Variants in UBXN11 observed in about 807,000 individuals in gnomAD.
UBXN11 encodes UBX domain protein 11.
In UBXN11, 47 loss-of-function variants were observed where a neutral mutation model predicts 62.8. The ratio of observed to expected loss-of-function variants is 0.75; its 90% CI spans 0.59 to 0.95. The LOEUF (loss-of-function observed/expected upper bound fraction) is 0.95, where lower values mean the gene tolerates loss of function less well. Among genes scored for constraint, UBXN11 ranks in the 40% least tolerant of loss-of-function variants. The pLI is 0.00. For synonymous variants in UBXN11, 294 were observed against 267.0 expected (o/e 1.10, Z -0.99); for missense variants, 638 against 661.7 (o/e 0.96, Z 0.39).
Position 26,282,307 on chromosome 1 carries a change from G to T in UBXN11, c.1555C>A (p.Pro519Thr), listed in dbSNP as rs200427548. The change falls in exon 15 of 15, where the codon CCC (proline) becomes ACC (threonine). Residue 519 changes from proline to threonine, a missense_variant. Pro to Thr is a conservative substitution (Grantham distance 38). Coordinates refer to ENST00000374222, the MANE Select transcript of UBXN11 (RefSeq NM_001389556.1). ...PSPCPGPSPS[P>T]Q The stretch of plus-strand genomic sequence containing the variant: ...TTGAGGGGGCGGGTGCTTTATTGGG[G>T]GCTGGGACTGGGTCCAGGACAGGGA... 1.2e-4 allele frequency: 176 copies of T among 1,468,726 alleles called. No homozygotes were observed. The highest frequency in any genetic ancestry group is 1.5e-4 in the Non-Finnish European group (172 of 1,110,816). The allele number at this position is 1,468,726 out of a possible 1,614,324, so 91.0% of individuals were successfully genotyped here. A position where few individuals can be genotyped will look rare whatever the true frequency, so the allele number is the denominator to read the frequency against.
At chr1:26,301,099 G>A in intron 3 of UBXN11, 75 bp from the exon 4 acceptor site, 2 of 1,608,918 alleles carry the variant, frequency 1.2e-6, no homozygotes, top group Admixed American at 3.4e-5. Context: ...GCCCTCGCCA[G>A]TGTGACGCGG....
intron 8 of UBXN11, among the ~76,000 whole-genome samples, chr1:26,289,133 G>A (rs781572933): frequency 3.3e-5 from 5 of 152,160 alleles, no homozygotes; most frequent in Non-Finnish European, 5.9e-5. Flanking sequence ...CTCGCCTTGC[G>A]CTCTGGTGGG....
intron 1 of UBXN11, among the ~76,000 whole-genome samples, chr1:26,312,337 C>CTGA (rs1239854570): frequency 6.6e-6 from 1 of 152,098 alleles, no homozygotes; most frequent in African/African-American, 2.4e-5. Context: ...CTGCAATCTC[C>CTGA]ACCTCTGGGT....
chr1:26,299,077 T>C (rs900924710), intron 4 of UBXN11, among the ~76,000 whole-genome samples: 9 of 152,194 alleles, frequency 5.9e-5, no homozygotes, highest in Non-Finnish European at 1.2e-4. Context: ...TCTTGTTGGC[T>C]GAGGAAGGGT....
intron 1 of UBXN11, among the ~76,000 whole-genome samples, chr1:26,315,818 C>G (rs2073785320): frequency 6.6e-6 from 1 of 152,158 alleles, no homozygotes; most frequent in Non-Finnish European, 1.5e-5. Context: ...TGCCAGCACA[C>G]CTGGCTAATT....
rs149298468 is a variant in UBXN11 at position 26,284,554 on chromosome 1, T to A, written c.853-72A>T. The A allele has an allele frequency of 3.3e-6, 5 of 1,515,012 alleles. No individual in the cohort carries two copies. In the East Asian group the frequency reaches 1.2e-4, roughly 35 times the overall value. The allele number at this position is 1,515,012 out of a possible 1,614,324, so 93.8% of individuals were successfully genotyped here. On this transcript the variant is annotated intron_variant, in intron 10 of 14. Coordinates refer to ENST00000374222, the MANE Select transcript of UBXN11 (RefSeq NM_001389556.1). The stretch of plus-strand genomic sequence containing the variant: ...CCCTTGGCCCCACTTTCATCCCTAT[T>A]TGCCTAAACACAGGCCAAGGGTATG...
upstream of UBXN11, among the ~76,000 whole-genome samples, chr1:26,311,035 G>A (rs2073739700): frequency 6.6e-6 from 1 of 152,180 alleles, no homozygotes; most frequent in Admixed American, 6.5e-5. Context: ...CCTGGCCTGG[G>A]AGGAGGGAGG....
At chr1:26,303,039 G>C in intron 1 of UBXN11, 121 bp from the exon 2 acceptor site, 1 of 635,172 alleles carries the variant, frequency 1.6e-6, no homozygotes. Flanking sequence ...CTAGGCAGCA[G>C]TACCTTTTGC....
chr1:26,305,697 C>T (rs1031817943), intron 1 of UBXN11, among the ~76,000 whole-genome samples: 2 of 151,998 alleles, frequency 1.3e-5, no homozygotes, highest in Non-Finnish European at 1.5e-5. Context: ...AAACAAAACT[C>T]CTAAACCAAA....
At chr1:26,313,595 C>G (rs1322641147) in intron 1 of UBXN11, among the ~76,000 whole-genome samples, 1 of 152,106 alleles carries the variant, frequency 6.6e-6, no homozygotes, top group African/African-American at 2.4e-5. Flanking sequence ...GTACCTGGTA[C>G]ACAGCAGGCA....
At chr1:26,296,075 G>A (rs1161154344) in intron 7 of UBXN11, among the ~76,000 whole-genome samples, 2 of 152,224 alleles carry the variant, frequency 1.3e-5, no homozygotes, top group Non-Finnish European at 2.9e-5. Context: ...TGGGACTTTG[G>A]AAACCAATTC....
At chr1:26,300,792 A>G (rs4291487) in intron 4 of UBXN11, 134 bp downstream of exon 4, 1,293,750 of 1,444,726 alleles carry the variant, frequency 0.9, 588,684 homozygotes, top group Non-Finnish European at 0.94. Flanking sequence ...TCCCTGCCAC[A>G]ATCAGCCAGG....
At chr1:26,304,422 T>C (rs938964752) in intron 1 of UBXN11, among the ~76,000 whole-genome samples, 2 of 152,160 alleles carry the variant, frequency 1.3e-5, no homozygotes, top group Admixed American at 6.5e-5. Context: ...CGGTGGCTCA[T>C]GCCTATAATC....
intron 2 of UBXN11, among the ~76,000 whole-genome samples, chr1:26,302,362 TAAAA>T (rs56003085): frequency 0.27 from 18,671 of 69,228 alleles, 2,393 homozygotes; most frequent in Middle Eastern, 0.3. Context: ...ACTTGGTCTT[TAAAA>T]AAAAAAAAAA....
At chr1:26,284,067 CTG>C (rs1273543267) in intron 12 of UBXN11, 73 bp downstream of exon 12, 28 of 1,429,388 alleles carry the variant, frequency 2.0e-5, no homozygotes, top group Non-Finnish European at 2.4e-5. Flanking sequence ...TGACAAGACA[CTG>C]TTCTGGCAGG....
chr1:26,286,008 A>C lies in UBXN11; in HGVS notation c.589T>G (p.Phe197Val). Residue 197 changes from phenylalanine (F) to valine (V), a missense_variant, in exon 9 of 15, where the codon TTT becomes GTT. Physicochemically the swap from Phe to Val is conservative, Grantham distance 50. Coordinates refer to ENST00000374222, the MANE Select transcript of UBXN11 (RefSeq NM_001389556.1). ...GDSLAPPEVDFDRLLASLQDL... is the reference protein window; with the variant it reads ...GDSLAPPEVDVDRLLASLQDL... Reference sequence around the variant, plus strand: ...TGCAGGCTGGCCAGCAGCCTGTCAAAGTCCACCTCAGGGGGCGCCAATGAG... The same window carrying C: ...TGCAGGCTGGCCAGCAGCCTGTCAACGTCCACCTCAGGGGGCGCCAATGAG... The C allele has an allele frequency of 6.2e-7, 1 of 1,610,608 alleles. No individual in the cohort carries two copies. Among genetic ancestry groups the C allele is most frequent in the Non-Finnish European group, 8.5e-7 (1 of 1,177,644 alleles).
At chr1:26,293,070 C>T (rs998634386) in intron 8 of UBXN11, among the ~76,000 whole-genome samples, 3 of 152,158 alleles carry the variant, frequency 2.0e-5, no homozygotes, top group Admixed American at 2.0e-4. Context: ...AAGCTGTGCT[C>T]CTATTCCCGT....
At chr1:26,288,337 A>T (rs1026634663) in intron 8 of UBXN11, among the ~76,000 whole-genome samples, 1 of 152,106 alleles carries the variant, frequency 6.6e-6, no homozygotes, top group Non-Finnish European at 1.5e-5. Context: ...GACGAAGGGG[A>T]AGAGAGAAGC....
chr1:26,287,801 G>A (rs972320346), intron 8 of UBXN11, among the ~76,000 whole-genome samples: 6 of 152,028 alleles, frequency 3.9e-5, no homozygotes, highest in Admixed American at 6.5e-5. Flanking sequence ...TCGCCTAACA[G>A]AATGATACCA....
Sources: allele counts gnomAD v4.1 joint callset (sites outside exome capture counted in the v4.1 genomes callset), GRCh38; gene constraint gnomAD v4.1.1; transcripts MANE v1.5; gene names NCBI Gene and HGNC (gene_info 2026-07-23, HGNC 2026-07-21).